BLTP2: variants seen among roughly 807,000 people sequenced by gnomAD.
The protein encoded by BLTP2 is U937-associated antigen.
At chr17:28,616,142 A>T in the BLTP2 span, 1 of 1,614,170 alleles carries the variant, frequency 6.2e-7, no homozygotes, top group Non-Finnish European at 8.5e-7. The surrounding 1 kb of genome is among the most constrained non-coding windows in gnomAD (Gnocchi z 4.8). Flanking sequence ...TATGTAGATG[A>T]AGGAGTTGTT....
At chr17:28,643,006 G>A in the BLTP2 span, 3 of 1,533,412 alleles carry the variant, frequency 2.0e-6, no homozygotes, top group East Asian at 2.2e-5. Flanking sequence ...AAGAAGCAAG[G>A]ATGAACAATA....
At chr17:28,642,579 A>C in the BLTP2 span, 8 of 564,958 alleles carry the variant, frequency 1.4e-5, no homozygotes. Flanking sequence ...TGAACCCAGG[A>C]GGCGGAGCTT....
chr17:28,619,068 G>A, the BLTP2 span: 1 of 909,826 alleles, frequency 1.1e-6, no homozygotes, highest in Non-Finnish European at 1.6e-6. Context: ...GGTAAACCCA[G>A]AAATTAACCT....
At chr17:28,642,813 G>T in the BLTP2 span, 3 of 965,200 alleles carry the variant, frequency 3.1e-6, no homozygotes, top group Non-Finnish European at 3.4e-6. Flanking sequence ...AGGAGGCCCT[G>T]AAGCAACTCT....
chr17:28,635,387 C>T, the BLTP2 span: 2 of 1,614,208 alleles, frequency 1.2e-6, no homozygotes, highest in Non-Finnish European at 1.7e-6. Flanking sequence ...GTGCTCACCT[C>T]CAGGGTTAGG....
chr17:28,640,416 T>A, the BLTP2 span: 1 of 853,358 alleles, frequency 1.2e-6, no homozygotes, highest in East Asian at 2.6e-5. Context: ...ATTTTTTTAA[T>A]TTTTCCCACA....
chr17:28,636,745 G>A, the BLTP2 span, among the ~76,000 whole-genome samples: 7 of 152,092 alleles, frequency 4.6e-5, no homozygotes, highest in Non-Finnish European at 8.8e-5. Context: ...CACAACATGA[G>A]TTAAAAAGAG....
At chr17:28,636,230 A>C in the BLTP2 span, among the ~76,000 whole-genome samples, 1 of 152,204 alleles carries the variant, frequency 6.6e-6, no homozygotes, top group Non-Finnish European at 1.5e-5. Flanking sequence ...TCTAAAAAGG[A>C]AACTCTTCAG....
At chr17:28,637,341 T>C in the BLTP2 span, among the ~76,000 whole-genome samples, 22 of 152,204 alleles carry the variant, frequency 1.4e-4, no homozygotes, top group Non-Finnish European at 1.5e-4. Flanking sequence ...CCTAACTAGA[T>C]TCGGCAGAAT....
At chr17:28,616,964 C>T in the BLTP2 span, 1 of 1,613,970 alleles carries the variant, frequency 6.2e-7, no homozygotes. The surrounding 1 kb of genome is among the most constrained non-coding windows in gnomAD (Gnocchi z 4.8). Flanking sequence ...CTAGCTGTCG[C>T]CCAGACTGGC....
the BLTP2 span, chr17:28,619,027 G>GGTAAGCCAGTAAGGGAAACAGCACA: frequency 6.8e-7 from 1 of 1,466,626 alleles, no homozygotes; most frequent in African/African-American, 1.4e-5. Flanking sequence ...TGGGTTGGGG[G>GGTAAGCCAGTAAGGGAAACAGCACA]TGGGATAGAA....
At chr17:28,628,125 G>A in the BLTP2 span, 4 of 706,184 alleles carry the variant, frequency 5.7e-6, no homozygotes, top group East Asian at 1.1e-4. Flanking sequence ...TAAGACTTAG[G>A]TGGCCTAAGA....
chr17:28,619,969 G>C, the BLTP2 span: 1 of 1,614,050 alleles, frequency 6.2e-7, no homozygotes, highest in Non-Finnish European at 8.5e-7. Context: ...TGGATTGCTA[G>C]AGATCTCAAG....
chr17:28,630,773 C>T, the BLTP2 span, among the ~76,000 whole-genome samples: 1 of 151,992 alleles, frequency 6.6e-6, no homozygotes, highest in African/African-American at 2.4e-5. Flanking sequence ...CATGAGCCAC[C>T]GCACCCAGCC....
chr17:28,621,826 T>C, the BLTP2 span, among the ~76,000 whole-genome samples: 1 of 152,162 alleles, frequency 6.6e-6, no homozygotes, highest in Non-Finnish European at 1.5e-5. Context: ...TTCTCACACA[T>C]TTTGGTATTT....
chr17:28,621,553 G>C, the BLTP2 span: 1 of 1,270,674 alleles, frequency 7.9e-7, no homozygotes, highest in Non-Finnish European at 1.2e-6. Flanking sequence ...GGCTTGTCCT[G>C]GACAATTGGG....
At chr17:28,637,258 A>C in the BLTP2 span, 1 of 1,035,262 alleles carries the variant, frequency 9.7e-7, no homozygotes, top group Non-Finnish European at 1.5e-6. Flanking sequence ...TATTCCCTTA[A>C]CTATCTTTAT....
chr17:28,631,737 A>G, the BLTP2 span: 1 of 1,604,572 alleles, frequency 6.2e-7, no homozygotes. Context: ...ATAGTGTAAG[A>G]CAGAGATGGA....
chr17:28,620,744 G>T, the BLTP2 span: 1 of 1,222,986 alleles, frequency 8.2e-7, no homozygotes, highest in Non-Finnish European at 1.2e-6. Context: ...GAAAGGGTGA[G>T]AGTTGCTCAT....
Sources: allele counts gnomAD v4.1 joint callset (sites outside exome capture counted in the v4.1 genomes callset), GRCh38; gene constraint gnomAD v4.1.1; non-coding constraint Gnocchi (gnomAD v3.1); transcripts MANE v1.5; gene names NCBI Gene and HGNC (gene_info 2026-07-23, HGNC 2026-07-21).